LNX1: variants seen among roughly 807,000 people sequenced by gnomAD.
The protein encoded by LNX1 is E3 ubiquitin-protein ligase LNX.
In LNX1, 54 loss-of-function variants were observed where a neutral mutation model predicts 68.4. The ratio of observed to expected loss-of-function variants is 0.79; its 90% confidence interval spans 0.63 to 0.99. The LOEUF is 0.99. Ranked by LOEUF, LNX1 falls within the 50% of genes least tolerant of loss-of-function variation. The probability of loss-of-function intolerance (pLI) is 0.00; values close to 1 mark genes in which losing one functional copy is unlikely to be tolerated. For missense variants in LNX1, 906 were observed against 926.4 expected, an observed-to-expected ratio of 0.98 and a Z score of 0.29; for synonymous variants, 336 against 350.0, an observed-to-expected ratio of 0.96 and a Z score of 0.45.
At chr4:53,497,665 A>T (rs1264640509) in intron 5 of LNX1, among the ~76,000 whole-genome samples, 1 of 152,038 alleles carries the variant, frequency 6.6e-6, no homozygotes, top group Non-Finnish European at 1.5e-5. Flanking sequence ...TTGTTATGCA[A>T]CCCTGCCAGG....
At chr4:53,575,762 G>T (rs1731445025) in intron 1 of LNX1, 2 of 1,558,696 alleles carry the variant, frequency 1.3e-6, no homozygotes, top group Non-Finnish European at 8.7e-7. Flanking sequence ...CCTGGTGGTA[G>T]TCACAGTGGC....
chr4:53,459,710 C>G lies in LNX1; in HGVS notation c.*1197G>C, dbSNP rs1293950034. 23 of 490,962 alleles carry G rather than the reference C, an allele frequency of 4.7e-5. No individual in the cohort carries two copies. The highest frequency in any genetic ancestry group is 7.7e-5 in the Non-Finnish European group (21 of 272,158). 30.4% of individuals were successfully genotyped at this position (490,962 alleles called of 1,614,324 possible). A position where few individuals can be genotyped will look rare whatever the true frequency, so the allele number is the denominator to read the frequency against. On this transcript the variant is annotated 3_prime_UTR_variant, in exon 11 of 11. Transcript: ENST00000263925. ...GTGAATGAGTCACTTAACAGGGAAT[C>G]TAAAGAGCTGTGTTAGCTGTGTACA...
chr4:53,474,858 C>T (rs1225307276), intron 9 of LNX1, among the ~76,000 whole-genome samples: 2 of 152,202 alleles, frequency 1.3e-5, no homozygotes, highest in African/African-American at 4.8e-5. Flanking sequence ...CCTCCGCCTC[C>T]TGGGTTCAAG....
Position 53,496,254 on chromosome 4 carries a change from G to T in LNX1, c.1119C>A (p.Tyr373Ter). ...SRNNGQAPDAYRPRDDSFHVI... is the reference protein window; with the variant it reads ...SRNNGQAPDA ...CATGAAAGCTGTCATCTCGGGGTCT[G>T]TAGGCATCCGGGGCCTGTCCATTGT... The change falls in exon 6 of 11, where the codon TAC becomes TAA. Residue 373 changes from tyrosine (Y) to a stop codon, truncating the protein, a stop_gained. Transcript: ENST00000263925. LOFTEE classifies it high-confidence loss of function. The T allele has an allele frequency of 6.2e-7, 1 of 1,614,162 alleles. No individual in the cohort carries two copies. Among genetic ancestry groups the T allele is most frequent in the Non-Finnish European group, 8.5e-7 (1 of 1,180,024 alleles).
At chr4:53,465,242 A>C (rs1722587146) in intron 9 of LNX1, among the ~76,000 whole-genome samples, 2 of 152,300 alleles carry the variant, frequency 1.3e-5, no homozygotes, top group South Asian at 4.1e-4. Context: ...CTGGCTTCCT[A>C]TCTTGCAGAG....
chr4:53,497,549 C>A (rs750356548), intron 5 of LNX1, among the ~76,000 whole-genome samples: 1 of 152,226 alleles, frequency 6.6e-6, no homozygotes, highest in Non-Finnish European at 1.5e-5. Flanking sequence ...TCCCCCATCA[C>A]CTCTGGGCCC....
At chr4:53,563,460 GA>G (rs555294891) in intron 2 of LNX1, among the ~76,000 whole-genome samples, 21 of 152,104 alleles carry the variant, frequency 1.4e-4, no homozygotes, top group Non-Finnish European at 2.4e-4. Flanking sequence ...AGGGGAGTAA[GA>G]GGGGGGCCTA....
At chr4:53,624,237 C>A (rs1733991965) in intron 1 of LNX1, among the ~76,000 whole-genome samples, 1 of 152,190 alleles carries the variant, frequency 6.6e-6, no homozygotes, top group Non-Finnish European at 1.5e-5. Context: ...TGTGTCCCCA[C>A]CCAAATCTCA....
chr4:53,612,143 C>T (rs1733521065), intron 2 of LNX1, among the ~76,000 whole-genome samples: 1 of 152,056 alleles, frequency 6.6e-6, no homozygotes, highest in Admixed American at 6.5e-5. Flanking sequence ...CTCAAATTTA[C>T]CAAAAGTGAG....
intron 4 of LNX1, 83 bp downstream of exon 4, chr4:53,507,234 G>A (rs1467414463): frequency 1.4e-6 from 2 of 1,432,212 alleles, no homozygotes; most frequent in Non-Finnish European, 1.9e-6. Context: ...ACAGAAGGTG[G>A]AAGGTGATCA....
chr4:53,470,485 G>C (rs1339640005), intron 9 of LNX1, among the ~76,000 whole-genome samples: 1 of 152,116 alleles, frequency 6.6e-6, no homozygotes, highest in East Asian at 1.9e-4. Flanking sequence ...GGAAGTTCTG[G>C]CCAGGGCAAT....
intron 4 of LNX1, among the ~76,000 whole-genome samples, chr4:53,500,834 G>C (rs994932874): frequency 2.0e-5 from 3 of 152,068 alleles, no homozygotes; most frequent in Non-Finnish European, 4.4e-5. Context: ...GAACATGTCT[G>C]GTATAACAAG....
chr4:53,470,424 T>G (rs955064136), intron 9 of LNX1, among the ~76,000 whole-genome samples: 9 of 152,162 alleles, frequency 5.9e-5, no homozygotes, highest in South Asian at 2.1e-4. Flanking sequence ...CTTTGAAAAC[T>G]GGCACAAGAC....
chr4:53,507,680 G>C (rs565676560), intron 3 of LNX1, among the ~76,000 whole-genome samples: 2 of 152,112 alleles, frequency 1.3e-5, no homozygotes, highest in South Asian at 4.2e-4. Context: ...TTGTTTCTGG[G>C]CTGAACTGAA....
rs1730450791 is a variant in LNX1 at position 53,563,825 on chromosome 4, ACCTGG to A, written c.380+9793_380+9797del. Among the ~76,000 whole-genome samples the A allele has an allele frequency of 1.3e-5, 2 of 152,230 alleles. 1 individual carries two copies. The highest frequency in any genetic ancestry group is 1.3e-4 in the Admixed American group (2 of 15,284). ...TGGGATTACAGGCATGGGCCACTGC[ACCTGG>A]CCAGGTTAACTTCAAATTCTTAATC... On this transcript the variant is annotated intron_variant, in intron 2 of 10. Coordinates refer to ENST00000263925, the MANE Select transcript of LNX1 (RefSeq NM_001126328.3).
chr4:53,465,252 G>A (rs562230015), intron 9 of LNX1, among the ~76,000 whole-genome samples: 1 of 152,258 alleles, frequency 6.6e-6, no homozygotes, highest in Non-Finnish European at 1.5e-5. Flanking sequence ...ATCTTGCAGA[G>A]AAAATAAGGG....
intron 6 of LNX1, among the ~76,000 whole-genome samples, chr4:53,482,286 T>C (rs1362140847): frequency 2.0e-5 from 3 of 152,216 alleles, no homozygotes; most frequent in Non-Finnish European, 4.4e-5. Context: ...TTAATGGCAG[T>C]AACTTGCCAC....
intron 2 of LNX1, among the ~76,000 whole-genome samples, chr4:53,571,566 C>T (rs1359790293): frequency 1.3e-5 from 2 of 152,144 alleles, no homozygotes; most frequent in African/African-American, 4.8e-5. Context: ...AGGGATTCTC[C>T]CCTGAAGCCA....
rs1553932749 is a variant in LNX1, at chr4:53,501,299, T to TGGGGGG, written c.776-2457_776-2456insCCCCCC. On this transcript the variant is annotated intron_variant, in intron 4 of 10. Transcript: ENST00000263925. ...TAATAATCTTTTTTTTTTTTTTTTTTGGGGGTGGGGGGACAGGATCTCACT... is the reference window on the plus strand; with the variant it reads ...TAATAATCTTTTTTTTTTTTTTTTTTGGGGGGGGGGGTGGGGGGACAGGATCTCACT... Among the ~76,000 whole-genome samples, 150 of 38,674 alleles carry TGGGGGG rather than the reference T, an allele frequency of 3.9e-3. 2 individuals are homozygous for TGGGGGG. The highest frequency in any genetic ancestry group is 5.3e-3 in the Non-Finnish European group (76 of 14,278). 25.4% of individuals were successfully genotyped at this position (38,674 alleles called of 152,430 possible). A position where few individuals can be genotyped will look rare whatever the true frequency, so the allele number is the denominator to read the frequency against.
Sources: gnomAD v4.1 joint callset for allele counts (sites outside exome capture counted in the v4.1 genomes callset) on GRCh38, gnomAD v4.1.1 for gene constraint, MANE v1.5 for transcripts, NCBI Gene and HGNC (gene_info 2026-07-23, HGNC 2026-07-21) for gene names.